NKAIN3: variants seen among roughly 807,000 people sequenced by gnomAD.
NKAIN3 encodes sodium/potassium transporting ATPase interacting 3, also known as sodium/potassium-transporting ATPase subunit beta-1-interacting protein 3.
Under a neutral mutation model 30.2 loss-of-function variants are expected in NKAIN3, and 25 were observed. The observed-to-expected ratio is 0.83, with a 90% CI of 0.60 to 1.16. The LOEUF is 1.16. Among genes scored for constraint, NKAIN3 ranks in the 50% most tolerant of loss-of-function variants. The pLI is 0.00. For missense variants in NKAIN3, 225 were observed against 254.1 expected (o/e 0.89, Z 0.78); for synonymous variants, 91 against 89.6 (o/e 1.02, Z -0.09).
chr8:62,661,570 G>A (rs776136483), intron 3 of NKAIN3, among the ~76,000 whole-genome samples: 4 of 152,078 alleles, frequency 2.6e-5, no homozygotes, highest in Admixed American at 6.5e-5. Context: ...GTAGTCTGTC[G>A]GTGTAGAGTT....
At chr8:62,953,866 A>T in intron 5 of NKAIN3, 36 bp from the exon 6 acceptor site, 2 of 667,220 alleles carry the variant, frequency 3.0e-6, no homozygotes, top group Non-Finnish European at 3.7e-6. Flanking sequence ...TGTATTTTTT[A>T]CACACTTATT....
chr8:62,832,519 A>G (rs1050779052), intron 4 of NKAIN3, among the ~76,000 whole-genome samples: 2 of 152,060 alleles, frequency 1.3e-5, no homozygotes, highest in African/African-American at 4.8e-5. Context: ...CTCACATGTA[A>G]CAACACTCAT....
chr8:62,594,830 ATTCCT>A (rs200629429), intron 3 of NKAIN3, among the ~76,000 whole-genome samples: 2,563 of 132,960 alleles, frequency 0.019, 73 homozygotes, highest in African/African-American at 0.067. Flanking sequence ...TCCTTCCTTC[ATTCCT>A]TTCCTTTCCT....
intron 1 of NKAIN3, among the ~76,000 whole-genome samples, chr8:62,517,263 G>A (rs1053278370): frequency 1.1e-4 from 16 of 152,234 alleles, no homozygotes; most frequent in African/African-American, 3.6e-4. Context: ...TTAAAATGCA[G>A]TGGGTATTAA....
intron 3 of NKAIN3, among the ~76,000 whole-genome samples, chr8:62,602,628 G>A (rs1433247886): frequency 2.0e-5 from 3 of 152,008 alleles, no homozygotes; most frequent in Admixed American, 1.3e-4. Flanking sequence ...CCTTGTTTTA[G>A]GCCTTGACCT....
Position 62,855,880 on chromosome 8 carries a change from C to T in NKAIN3, c.472-62573C>T, listed in dbSNP as rs1586273847. ...TCCTCTTCCTGTGGCACCAAAGCCACAAAATAAAGAGAGATGTTCCTGCGG... is the reference window on the plus strand; with the variant it reads ...TCCTCTTCCTGTGGCACCAAAGCCATAAAATAAAGAGAGATGTTCCTGCGG... On this transcript the variant is annotated intron_variant, in intron 4 of 6. Transcript: ENST00000623646. 29 of 770,920 alleles carry T rather than the reference C, an allele frequency of 3.8e-5. 2 individuals carry two copies. The South Asian group carries it at 4.0e-4, about 11-fold the overall frequency. The allele number at this position is 770,920 out of a possible 1,614,324, so 47.8% of individuals were successfully genotyped here.
At chr8:62,628,708 C>T (rs1190411091) in intron 3 of NKAIN3, among the ~76,000 whole-genome samples, 1 of 151,990 alleles carries the variant, frequency 6.6e-6, no homozygotes. Flanking sequence ...TCACTGTTAT[C>T]AGTTTCATTT....
intron 1 of NKAIN3, among the ~76,000 whole-genome samples, chr8:62,401,224 G>C (rs892550424): frequency 2.6e-5 from 4 of 151,826 alleles, no homozygotes; most frequent in African/African-American, 9.7e-5. Context: ...AGACTCTTAT[G>C]CACCCTGCAG....
chr8:62,708,413 G>A (rs116457509), intron 3 of NKAIN3, among the ~76,000 whole-genome samples: 5,043 of 152,096 alleles, frequency 0.033, 115 homozygotes, highest in Middle Eastern at 0.071. Flanking sequence ...GCAGTGTTTT[G>A]TAATTTTCTT....
intron 4 of NKAIN3, among the ~76,000 whole-genome samples, chr8:62,890,889 A>C (rs756057447): frequency 2.6e-4 from 39 of 152,182 alleles, no homozygotes; most frequent in Admixed American, 2.0e-4. Context: ...TTATCCCTTT[A>C]TGATTGTTAA....
In NKAIN3 at chr8:62,577,881, G is replaced by T. The variant is rs182830806; in HGVS notation, c.55-1658G>T. Among the ~76,000 whole-genome samples, 412 of 152,044 alleles carry T rather than the reference G, an allele frequency of 2.7e-3. 3 individuals carry two copies. Among genetic ancestry groups the T allele is most frequent in the African/African-American group, 9.0e-3 (373 of 41,508 alleles). Reference sequence around the variant, plus strand: ...TCTGTTGTGGTTTTCTTTAGGCTTCGCTCTCTTCTCTTTTCCGCCACCGCT... The same window carrying T: ...TCTGTTGTGGTTTTCTTTAGGCTTCTCTCTCTTCTCTTTTCCGCCACCGCT... On this transcript the variant is annotated intron_variant, in intron 1 of 6. Coordinates refer to ENST00000623646, the MANE Select transcript of NKAIN3 (RefSeq NM_001304533.3).
intron 1 of NKAIN3, among the ~76,000 whole-genome samples, chr8:62,534,262 G>A (rs1808580009): frequency 6.6e-6 from 1 of 152,116 alleles, no homozygotes; most frequent in South Asian, 2.1e-4. Context: ...GAAAAGTTGA[G>A]TTTCTTCCTT....
At chr8:62,681,475 A>G (rs897676193) in intron 3 of NKAIN3, among the ~76,000 whole-genome samples, 1 of 152,104 alleles carries the variant, frequency 6.6e-6, no homozygotes, top group South Asian at 2.1e-4. Context: ...TTCAAATTTA[A>G]TTTCCTTATT....
intron 4 of NKAIN3, among the ~76,000 whole-genome samples, chr8:62,846,398 T>G (rs914134385): frequency 1.3e-5 from 2 of 152,108 alleles, no homozygotes; most frequent in African/African-American, 4.8e-5. Context: ...TGTGCCATGA[T>G]GGTTTACTGT....
chr8:62,846,755 C>T (rs1171630727), intron 4 of NKAIN3, among the ~76,000 whole-genome samples: 3 of 152,034 alleles, frequency 2.0e-5, no homozygotes, highest in East Asian at 3.9e-4. Flanking sequence ...TTAATCTGTT[C>T]TCATGCTGCG....
At chr8:62,619,967 T>G (rs1405790411) in intron 3 of NKAIN3, among the ~76,000 whole-genome samples, 1 of 152,178 alleles carries the variant, frequency 6.6e-6, no homozygotes, top group African/African-American at 2.4e-5. Context: ...GTGCATTGGC[T>G]GGGTCCCTGT....
At chr8:62,457,469 A>C (rs1805855980) in intron 1 of NKAIN3, among the ~76,000 whole-genome samples, 1 of 152,174 alleles carries the variant, frequency 6.6e-6, no homozygotes, top group African/African-American at 2.4e-5. Flanking sequence ...CATCTGTTGG[A>C]GGGTAAGCAT....
At chr8:62,763,578 A>T (rs1176312712) in intron 4 of NKAIN3, among the ~76,000 whole-genome samples, 1 of 152,246 alleles carries the variant, frequency 6.6e-6, no homozygotes, top group Non-Finnish European at 1.5e-5. Context: ...AGTCCTGCAG[A>T]CAATGAAACG....
At chr8:62,513,660 G>A (rs1156461178) in intron 1 of NKAIN3, among the ~76,000 whole-genome samples, 1 of 151,866 alleles carries the variant, frequency 6.6e-6, no homozygotes, top group Admixed American at 6.6e-5. Flanking sequence ...TTGAGCCAAG[G>A]AGTTTGAGAT....
Sources: allele counts gnomAD v4.1 joint callset (sites outside exome capture counted in the v4.1 genomes callset), GRCh38; gene constraint gnomAD v4.1.1; transcripts MANE v1.5; gene names NCBI Gene and HGNC (gene_info 2026-07-23, HGNC 2026-07-21).